CHEK1: variants seen among roughly 807,000 people sequenced by gnomAD.
CHEK1 encodes checkpoint kinase 1, also known as serine/threonine-protein kinase Chk1.
A neutral mutation model predicts 60.2 loss-of-function variants in CHEK1; 32 were observed. The ratio of observed to expected loss-of-function variants is 0.53; its 90% CI spans 0.40 to 0.71. The LOEUF (loss-of-function observed/expected upper bound fraction) is 0.71. CHEK1 is among the 30% of genes least tolerant of loss of function. The probability of loss-of-function intolerance (pLI) is 0.00; values close to 1 mark genes in which losing one functional copy is unlikely to be tolerated. For synonymous variants in CHEK1, 179 were observed against 187.2 expected, an observed-to-expected ratio of 0.96 and a Z score of 0.36; for missense variants, 399 against 564.6, an observed-to-expected ratio of 0.71 and a Z score of 2.97.
downstream of CHEK1, among the ~76,000 whole-genome samples, chr11:125,676,952 A>G (rs1242499231): frequency 6.6e-6 from 1 of 152,118 alleles, no homozygotes. Context: ...TCCATTTTCA[A>G]ATTGACCTTA....
intron 5 of CHEK1, among the ~76,000 whole-genome samples, chr11:125,632,354 T>G (rs1591395001): frequency 6.6e-6 from 1 of 152,330 alleles, no homozygotes; most frequent in East Asian, 1.9e-4. Flanking sequence ...TTAGTATGTT[T>G]TGCCAAATTG....
chr11:125,626,716 T>C, intron 1 of CHEK1, 33 bp from the exon 2 acceptor site: 1 of 1,605,108 alleles, frequency 6.2e-7, no homozygotes, highest in Non-Finnish European at 8.5e-7. Context: ...GATCTTACAC[T>C]CTACATCTTT....
intron 8 of CHEK1, among the ~76,000 whole-genome samples, chr11:125,638,762 G>A (rs139311491): frequency 4.6e-5 from 7 of 151,770 alleles, no homozygotes; most frequent in African/African-American, 1.2e-4. Context: ...AATTTCTGCC[G>A]TACTATCACA....
chr11:125,671,456 A>G (rs1942201235), intron 13 of CHEK1: 1 of 152,092 alleles, frequency 6.6e-6, no homozygotes, highest in African/African-American at 2.4e-5. Context: ...AAGATGTTCC[A>G]TTTTCTTCCA....
chr11:125,644,388 G>A (rs1229733469), intron 10 of CHEK1, 120 bp downstream of exon 10: 6 of 1,461,290 alleles, frequency 4.1e-6, no homozygotes, highest in African/African-American at 1.4e-5. Flanking sequence ...TTCTTTTTTG[G>A]TCAAGGAAGA....
At chr11:125,636,346 CTTTACTCT>C (rs3731416) in intron 7 of CHEK1, among the ~76,000 whole-genome samples, 11,577 of 152,100 alleles carry the variant, frequency 0.076, 508 homozygotes, top group African/African-American at 0.12. Flanking sequence ...ATATGCCTTA[CTTTACTCT>C]TTTAATCACT....
At chr11:125,676,301 A>AC, downstream of CHEK1, 1 of 1,597,402 alleles carries the variant, frequency 6.3e-7, no homozygotes, top group Non-Finnish European at 8.6e-7. Flanking sequence ...ACTGCCCCCT[A>AC]CCAGAAGTAA....
intron 7 of CHEK1, among the ~76,000 whole-genome samples, chr11:125,636,877 T>G (rs1941092057): frequency 6.6e-6 from 1 of 152,196 alleles, no homozygotes; most frequent in Non-Finnish European, 1.5e-5. Flanking sequence ...AAAGGTCTTC[T>G]ACCTCTACTA....
At chr11:125,679,984 T>C (rs908933642), downstream of CHEK1, among the ~76,000 whole-genome samples, 109 of 152,368 alleles carry the variant, frequency 7.2e-4, no homozygotes, top group African/African-American at 2.6e-3. Context: ...ATAAAAAGCA[T>C]GCTAATTTCT....
chr11:125,626,361 C>T, intron 1 of CHEK1: 1 of 425,260 alleles, frequency 2.4e-6, no homozygotes, highest in East Asian at 3.7e-5. Context: ...GGAGGCGCTG[C>T]CGCAGGCGTT....
At chr11:125,676,238 A>G in exon 14 of CHEK1, 1 of 1,303,832 alleles carries the variant, frequency 7.7e-7, no homozygotes, top group Non-Finnish European at 1.1e-6. Context: ...TTGAAAAAAT[A>G]AAGTTCTGAA....
Position 125,655,957 on chromosome 11 carries a change from A to G in CHEK1, c.*637A>G. ...AGTGTTGCATAAACTCTAGTGCTTAACTAACTTTACTCTAAAAATTACTGT... is the reference window on the plus strand; with the variant it reads ...AGTGTTGCATAAACTCTAGTGCTTAGCTAACTTTACTCTAAAAATTACTGT... On this transcript the variant is annotated 3_prime_UTR_variant, in exon 13 of 13. Transcript: ENST00000438015. 1 of 208,398 alleles carries G rather than the reference A, an allele frequency of 4.8e-6. No individual in the cohort carries two copies. The highest frequency in any genetic ancestry group is 9.8e-6 in the Non-Finnish European group (1 of 102,464). The allele number at this position is 208,398 out of a possible 1,614,324, so 12.9% of individuals were successfully genotyped here.
chr11:125,672,866 G>T, intron 13 of CHEK1: 2 of 1,019,438 alleles, frequency 2.0e-6, no homozygotes, highest in Non-Finnish European at 2.8e-6. Context: ...GCTTCCTCTG[G>T]GAACTTGCCC....
At chr11:125,633,123 A>C (rs748533232) in intron 5 of CHEK1, 40 bp from the exon 6 acceptor site, 1 of 1,528,092 alleles carries the variant, frequency 6.5e-7, no homozygotes. Flanking sequence ...TATTTGCAAA[A>C]CATTTTTATT....
At chr11:125,628,269 A>G (rs1940706246) in intron 3 of CHEK1, among the ~76,000 whole-genome samples, 1 of 152,228 alleles carries the variant, frequency 6.6e-6, no homozygotes, top group Non-Finnish European at 1.5e-5. Context: ...AGAATTTTCT[A>G]GGATTGCTTT....
chr11:125,639,199 C>T (rs1002563009), intron 8 of CHEK1, among the ~76,000 whole-genome samples: 19 of 151,776 alleles, frequency 1.3e-4, no homozygotes, highest in Non-Finnish European at 1.9e-4. Flanking sequence ...TAGTTTTCTA[C>T]GTACTGCACA....
At chr11:125,627,478 C>A in intron 2 of CHEK1, 129 bp from the exon 3 acceptor site, 1 of 696,212 alleles carries the variant, frequency 1.4e-6, no homozygotes, top group Non-Finnish European at 2.4e-6. Context: ...ATAGCAGAAA[C>A]CACTTCCTTG....
rs1730534127 is a variant in CHEK1 at position 125,653,027 on chromosome 11, T to G, written c.1234-719T>G. ...CCTTCTACTTCTATGAAATTAACAG[T>G]TTTTTTGTTTCCACATATGAGTGAG... On this transcript the variant is annotated intron_variant, in intron 11 of 12. Transcript: ENST00000438015. The surrounding 1 kb of genome is among the most constrained non-coding windows in gnomAD (Gnocchi z 4.3). 6.6e-6 allele frequency among the ~76,000 whole-genome samples: 1 copy of G among 152,262 alleles called. No homozygotes were observed. The highest frequency in any genetic ancestry group is 1.5e-5 in the Non-Finnish European group (1 of 68,018).
At chr11:125,681,048 T>C (rs565085725), downstream of CHEK1, 18 of 251,018 alleles carry the variant, frequency 7.2e-5, no homozygotes, top group Admixed American at 4.5e-4. This position sits in a 1 kb window ranked among gnomAD's most constrained non-coding sequence, Gnocchi z 4.2. Context: ...GTGTTGGGGC[T>C]ATCTGCCCTA....
Sources: allele counts gnomAD v4.1 joint callset (sites outside exome capture counted in the v4.1 genomes callset), GRCh38; gene constraint gnomAD v4.1.1; non-coding constraint Gnocchi (gnomAD v3.1); transcripts MANE v1.5; gene names NCBI Gene and HGNC (gene_info 2026-07-23, HGNC 2026-07-21).